The following UNC45B variants were observed in gnomAD, a reference collection of about 807,000 sequenced individuals.
UNC45B encodes the protein protein unc-45 homolog B.
Under a neutral mutation model 98.7 loss-of-function variants are expected in UNC45B, and 78 were observed. That is an observed-to-expected ratio of 0.79 (90% confidence interval 0.66 to 0.95). The LOEUF (loss-of-function observed/expected upper bound fraction) is 0.95, where lower values mean the gene tolerates loss of function less well. Among genes scored for constraint, UNC45B ranks in the 40% least tolerant of loss-of-function variants. The pLI is 0.00. For missense variants in UNC45B, 1,225 were observed against 1,184.9 expected, an observed-to-expected ratio of 1.03 and a Z score of -0.50; for synonymous variants, 462 against 480.4, an observed-to-expected ratio of 0.96 and a Z score of 0.50.
At position 35,155,424 on chromosome 17, in the gene UNC45B, C is replaced by T. The variant is rs2092053021; in HGVS notation, c.768C>T (p.Asp256=). ...TCATTGACTCCTTGTCTGGGGAGGA[C>T]AAGCGGGAGCATCGAGGGAAGGAGG... ...QAIIDSLSGE[D]KREHRGKEEA... Residue 256 remains aspartate (D), a synonymous_variant, in exon 7 of 20, where the codon GAC becomes GAT. Transcript: ENST00000394570. The T allele has an allele frequency of 6.2e-6, 10 of 1,614,156 alleles. No homozygotes were observed. Among genetic ancestry groups the T allele is most frequent in the Non-Finnish European group, 7.6e-6 (9 of 1,180,030 alleles).
chr17:35,170,431 C>T (rs900636060), intron 12 of UNC45B, among the ~76,000 whole-genome samples, 176 bp downstream of exon 12: 9 of 151,710 alleles, frequency 5.9e-5, no homozygotes, highest in East Asian at 5.8e-4. Flanking sequence ...AATGGACTCC[C>T]GACTCCCAAT....
rs960388755 is a variant in UNC45B, at chr17:35,167,836, A to G, written c.1152-225A>G. Among the ~76,000 whole-genome samples, 7 of 152,270 alleles carry G rather than the reference A, an allele frequency of 4.6e-5. No individual in the cohort carries two copies. In the East Asian group the frequency reaches 1.2e-3, roughly 25 times the overall value. On this transcript the variant is annotated intron_variant, in intron 9 of 19. Coordinates refer to ENST00000394570, the MANE Select transcript of UNC45B (RefSeq NM_001267052.2). Reference sequence around the variant, plus strand: ...GTATTTCCCAGAGGCACACTCTGTGACACAGCTGTTATGTCATTTATCCTC... The same window carrying G: ...GTATTTCCCAGAGGCACACTCTGTGGCACAGCTGTTATGTCATTTATCCTC...
chr17:35,183,340 G>A, intron 18 of UNC45B, 87 bp from the exon 19 acceptor site: 1 of 1,377,152 alleles, frequency 7.3e-7, no homozygotes, highest in East Asian at 2.6e-5. Context: ...GAGATCTTGG[G>A]TCAGAGAACT....
chr17:35,169,491 G>C (rs1295507266), intron 10 of UNC45B, among the ~76,000 whole-genome samples: 1 of 152,162 alleles, frequency 6.6e-6, no homozygotes, highest in Non-Finnish European at 1.5e-5. Flanking sequence ...GTCAGTTTCT[G>C]TGCCGTAACA....
intron 19 of UNC45B, among the ~76,000 whole-genome samples, 157 bp from the exon 20 acceptor site, chr17:35,186,142 T>A (rs1415878296): frequency 6.6e-6 from 1 of 152,162 alleles, no homozygotes; most frequent in Admixed American, 6.5e-5. Context: ...AATTAACACA[T>A]TCCTGTGACA....
At chr17:35,173,671 T>C (rs773889663) in intron 13 of UNC45B, among the ~76,000 whole-genome samples, 2 of 152,198 alleles carry the variant, frequency 1.3e-5, no homozygotes, top group Admixed American at 6.5e-5. Context: ...CTCCCTCTTA[T>C]AAAGATCCTG....
intron 7 of UNC45B, among the ~76,000 whole-genome samples, chr17:35,158,031 A>T (rs2092075824): frequency 6.6e-6 from 1 of 152,070 alleles, no homozygotes; most frequent in Non-Finnish European, 1.5e-5. Context: ...TCGTGCCACC[A>T]TGCCTGGCTA....
In UNC45B at chr17:35,168,146, G is replaced by T; in HGVS notation, c.1237G>T (p.Gly413Cys). Residue 413 changes from glycine to cysteine, a missense_variant, in exon 10 of 20, where the codon GGC (glycine) becomes TGC (cysteine). Gly to Cys is a radical substitution (Grantham distance 159). Transcript: ENST00000394570. ...GATCCTGCAGGGCCCCTTTGACCTG[G>T]GCAACCAGCTGCTGGGACTGAAAGG... ...SGILQGPFDL[G>C]NQLLGLKGVM... The T allele has an allele frequency of 6.2e-7, 1 of 1,604,062 alleles. No individual in the cohort carries two copies. The highest frequency in any genetic ancestry group is 1.3e-5 in the African/African-American group (1 of 74,470).
chr17:35,150,289 G>C, intron 4 of UNC45B, 66 bp downstream of exon 4: 4 of 1,510,984 alleles, frequency 2.6e-6, no homozygotes, highest in Non-Finnish European at 3.6e-6. Context: ...AGTAGGAATG[G>C]GTTAGGGAGG....
At position 35,177,514 on chromosome 17, in the gene UNC45B, C is replaced by T. The variant is rs2092243231; in HGVS notation, c.2159C>T (p.Pro720Leu). Residue 720 changes from proline to leucine, a missense_variant, in exon 17 of 20, where the codon CCC becomes CTC. By Grantham distance (98) the Pro-to-Leu change is moderately conservative. Transcript: ENST00000394570. ...CAACAGGTGTATGAGGTGGTGCGGCCCCTTGTAAGACTCTTGGACACACAG... is the reference window on the plus strand; with the variant it reads ...CAACAGGTGTATGAGGTGGTGCGGCTCCTTGTAAGACTCTTGGACACACAG... ...PGERVYEVVR[P>L]LVRLLDTQRD... The T allele has an allele frequency of 2.6e-6, 4 of 1,563,886 alleles. No individual in the cohort carries two copies. In the East Asian group the frequency reaches 7.2e-5, roughly 28 times the overall value.
At chr17:35,167,486 A>G (rs2092149206) in intron 9 of UNC45B, among the ~76,000 whole-genome samples, 1 of 152,078 alleles carries the variant, frequency 6.6e-6, no homozygotes, top group Non-Finnish European at 1.5e-5. Flanking sequence ...TCTGAGCATG[A>G]TTGTGTGCAC....
In UNC45B at chr17:35,177,000, C is replaced by A. The variant is rs1464117936; in HGVS notation, c.2026-17C>A. On this transcript the variant is annotated splice_polypyrimidine_tract_variant and intron_variant, in intron 15 of 19. Coordinates refer to ENST00000394570, the MANE Select transcript of UNC45B (RefSeq NM_001267052.2). ...TGGATGTCTGTGACTAAGTAGTGAC[C>A]TTGCCCTTTCTTGCAGGCCCTGATT... The A allele has an allele frequency of 6.2e-7, 1 of 1,605,872 alleles. No homozygotes were observed. The highest frequency in any genetic ancestry group is 8.5e-7 in the Non-Finnish European group (1 of 1,173,066).
At chr17:35,177,301 C>T (rs753070656) in intron 16 of UNC45B, among the ~76,000 whole-genome samples, 171 bp downstream of exon 16, 19 of 152,134 alleles carry the variant, frequency 1.2e-4, no homozygotes, top group Non-Finnish European at 2.4e-4. Context: ...TCTGACAAAC[C>T]GGATTGCCCT....
intron 11 of UNC45B, 84 bp downstream of exon 11, chr17:35,170,015 T>G (rs1196246665): frequency 6.2e-7 from 1 of 1,608,756 alleles, no homozygotes; most frequent in Non-Finnish European, 8.5e-7. Context: ...TAGTGGAGTG[T>G]GAAAGGGACC....
intron 5 of UNC45B, among the ~76,000 whole-genome samples, chr17:35,153,347 C>T (rs1203171016): frequency 2.6e-5 from 4 of 152,124 alleles, no homozygotes; most frequent in African/African-American, 9.7e-5. Context: ...ACCTCACTGG[C>T]CTCACTATAA....
chr17:35,175,091 A>AAGAAAG (rs2092222671), intron 14 of UNC45B, among the ~76,000 whole-genome samples: 7 of 132,678 alleles, frequency 5.3e-5, no homozygotes, highest in African/African-American at 1.9e-4. Flanking sequence ...AAGAAAGAGA[A>AAGAAAG]AGAAAGAAAA....
At chr17:35,173,127 T>C (rs1434842030) in intron 13 of UNC45B, among the ~76,000 whole-genome samples, 1 of 105,132 alleles carries the variant, frequency 9.5e-6, no homozygotes, top group African/African-American at 4.1e-5. Context: ...TTTTTATACT[T>C]TTTTTTTTTT....
In UNC45B at chr17:35,188,188, T is replaced by G. The variant is rs1171406262; in HGVS notation, c.*1629T>G. ...ATGGGCTTGTTTCACAGCAGGAAAC[T>G]ATATTCATCATATCCTTATTATGAT... On this transcript the variant is annotated 3_prime_UTR_variant, in exon 20 of 20. Transcript: ENST00000394570. 1 of 152,262 alleles carries G rather than the reference T, an allele frequency of 6.6e-6. No homozygotes were observed. Among genetic ancestry groups the G allele is most frequent in the African/African-American group, 2.4e-5 (1 of 41,470 alleles). The allele number at this position is 152,262 out of a possible 1,614,324, so 9.4% of individuals were successfully genotyped here. A position where few individuals can be genotyped will look rare whatever the true frequency, so the allele number is the denominator to read the frequency against.
chr17:35,152,853 C>G lies in UNC45B; in HGVS notation c.382-40C>G, dbSNP rs549287936. ...GAATGTGGAGCTGAAATGACGTGGA[C>G]CCCACCTGCCTCCTTCCCCACTCCC... On this transcript the variant is annotated intron_variant, in intron 4 of 19. Coordinates refer to ENST00000394570, the MANE Select transcript of UNC45B (RefSeq NM_001267052.2). The G allele has an allele frequency of 2.2e-5, 34 of 1,524,292 alleles. No individual in the cohort carries two copies. The South Asian group carries it at 3.5e-4, about 16-fold the overall frequency. 94.4% of individuals were successfully genotyped at this position (1,524,292 alleles called of 1,614,324 possible). A position where few individuals can be genotyped will look rare whatever the true frequency, so the allele number is the denominator to read the frequency against.
Sources: allele counts gnomAD v4.1 joint callset (sites outside exome capture counted in the v4.1 genomes callset), GRCh38; gene constraint gnomAD v4.1.1; transcripts MANE v1.5; gene names NCBI Gene and HGNC (gene_info 2026-07-23, HGNC 2026-07-21).